NUP133: variants seen among roughly 807,000 people sequenced by gnomAD.
The protein encoded by NUP133 is nucleoporin 133.
Under a neutral mutation model 146.2 loss-of-function variants are expected in NUP133, and 66 were observed. That is an observed-to-expected ratio of 0.45 (90% CI 0.37 to 0.55). NUP133 has a LOEUF of 0.55. Among genes scored for constraint, NUP133 ranks in the 20% least tolerant of loss-of-function variants. NUP133 has a pLI of 0.00. For synonymous variants in NUP133, 521 were observed against 498.8 expected, an observed-to-expected ratio of 1.04 and a Z score of -0.59; for missense variants, 1,277 against 1,374.8, an observed-to-expected ratio of 0.93 and a Z score of 1.12.
intron 7 of NUP133, 55 bp downstream of exon 7, chr1:229,495,837 C>A: frequency 7.3e-7 from 1 of 1,372,466 alleles, no homozygotes. Context: ...AGGGAACCAG[C>A]ATTATCATAC....
In NUP133 at chr1:229,489,945, T is replaced by C. The variant is rs1558104783; in HGVS notation, c.1194+10A>G. ...TTATTGCTTTGTAATTTAACCAATATAAATCTTACCTGAAAAGGTGGATTA... is the reference window on the plus strand; with the variant it reads ...TTATTGCTTTGTAATTTAACCAATACAAATCTTACCTGAAAAGGTGGATTA... On this transcript the variant is annotated intron_variant, in intron 9 of 25. Coordinates refer to ENST00000261396, the MANE Select transcript of NUP133 (RefSeq NM_018230.3). 3.2e-6 allele frequency: 5 copies of C among 1,573,518 alleles called. No homozygotes were observed. Among genetic ancestry groups the C allele is most frequent in the African/African-American group, 1.4e-5 (1 of 73,468 alleles).
chr1:229,452,141 C>A (rs368108074), intron 22 of NUP133, among the ~76,000 whole-genome samples: 3 of 152,160 alleles, frequency 2.0e-5, no homozygotes, highest in African/African-American at 7.2e-5. Flanking sequence ...GGGGTAAGGA[C>A]AGAACTGCTA....
In NUP133 at chr1:229,457,921, C is replaced by CA. The variant is rs1403674075; in HGVS notation, c.2980+239dup. 3.3e-5 allele frequency among the ~76,000 whole-genome samples: 5 copies of CA among 152,282 alleles called. No individual in the cohort carries two copies. In the East Asian group the frequency reaches 9.6e-4, roughly 29 times the overall value. The stretch of plus-strand genomic sequence containing the variant: ...CTAAAGGTACATAATCAGACCTCTC[C>CA]AATCAAAATCATTTGAGTCTATTCT... On this transcript the variant is annotated intron_variant, in intron 21 of 25. Coordinates refer to ENST00000261396, the MANE Select transcript of NUP133 (RefSeq NM_018230.3).
chr1:229,461,314 T>C (rs1223003319), intron 19 of NUP133, among the ~76,000 whole-genome samples: 1 of 152,146 alleles, frequency 6.6e-6, no homozygotes, highest in Non-Finnish European at 1.5e-5. Flanking sequence ...ACTGGCTGTT[T>C]GTGGAGTGTT....
intron 4 of NUP133, among the ~76,000 whole-genome samples, chr1:229,500,141 A>C (rs1248642391): frequency 1.3e-5 from 2 of 152,094 alleles, no homozygotes; most frequent in African/African-American, 4.8e-5. Context: ...TGGATACATG[A>C]TTTGCAAATT....
intron 24 of NUP133, among the ~76,000 whole-genome samples, chr1:229,448,295 G>A (rs922842624): frequency 2.6e-5 from 4 of 152,272 alleles, no homozygotes; most frequent in African/African-American, 9.6e-5. Flanking sequence ...AGGGCTGGTG[G>A]TACATGCCTG....
At chr1:229,450,018 C>T (rs948904037) in intron 23 of NUP133, among the ~76,000 whole-genome samples, 4 of 150,116 alleles carry the variant, frequency 2.7e-5, no homozygotes, top group African/African-American at 7.3e-5. Flanking sequence ...GCTGGGATTA[C>T]AGGCGTGCGC....
chr1:229,477,453 A>AC, intron 13 of NUP133, 144 bp downstream of exon 13: 1 of 649,476 alleles, frequency 1.5e-6, no homozygotes, highest in Non-Finnish European at 2.3e-6. Context: ...AAAAAAAAAA[A>AC]AAAGGAAGGT....
At chr1:229,470,909 G>A in intron 14 of NUP133, 105 bp from the exon 15 acceptor site, 1 of 919,642 alleles carries the variant, frequency 1.1e-6, no homozygotes, top group South Asian at 1.6e-5. Flanking sequence ...ACTGGCCCCA[G>A]CTTTCCCCCA....
At chr1:229,463,511 G>A (rs1426521523) in intron 19 of NUP133, 32 bp downstream of exon 19, 1 of 1,583,500 alleles carries the variant, frequency 6.3e-7, no homozygotes, top group African/African-American at 1.4e-5. Flanking sequence ...GCAACTAAAG[G>A]ACTCAGTGGC....
chr1:229,498,505 C>G (rs1287205527), intron 5 of NUP133, among the ~76,000 whole-genome samples, 199 bp from the exon 6 acceptor site: 1 of 152,018 alleles, frequency 6.6e-6, no homozygotes, highest in Non-Finnish European at 1.5e-5. Flanking sequence ...GAAAAACTCT[C>G]ATAAGAAAAA....
At chr1:229,442,117 A>G (rs1660197118) in intron 25 of NUP133, 77 bp from the exon 26 acceptor site, 1 of 1,374,008 alleles carries the variant, frequency 7.3e-7, no homozygotes, top group Non-Finnish European at 9.9e-7. Flanking sequence ...TGATGACAAA[A>G]GCACCTGTGC....
chr1:229,488,217 T>C (rs927276653), intron 9 of NUP133, among the ~76,000 whole-genome samples: 1 of 152,180 alleles, frequency 6.6e-6, no homozygotes, highest in Non-Finnish European at 1.5e-5. Context: ...TAGAAGCCTA[T>C]GATAAATTCA....
chr1:229,464,388 C>T (rs1357649453), intron 18 of NUP133, among the ~76,000 whole-genome samples: 1 of 152,128 alleles, frequency 6.6e-6, no homozygotes, highest in African/African-American at 2.4e-5. Flanking sequence ...AGGGTAGTCT[C>T]CACATGTTGT....
Position 229,475,859 on chromosome 1 carries a change from G to A in NUP133, c.1757-127C>T, listed in dbSNP as rs12066147. On this transcript the variant is annotated intron_variant, in intron 13 of 25. Transcript: ENST00000261396. ...GCACGGTGGCTCACACCTGTAATCCGAGCACTTTGGGAGGTCGAGGTGGGC... is the reference window on the plus strand; with the variant it reads ...GCACGGTGGCTCACACCTGTAATCCAAGCACTTTGGGAGGTCGAGGTGGGC... 6.0e-4 allele frequency: 415 copies of A among 694,328 alleles called. No individual in the cohort carries two copies. In the African/African-American group the frequency reaches 6.8e-3, roughly 11 times the overall value. The allele number at this position is 694,328 out of a possible 1,614,324, so 43.0% of individuals were successfully genotyped here.
chr1:229,476,243 GT>G (rs898763914), intron 13 of NUP133, among the ~76,000 whole-genome samples: 1 of 151,998 alleles, frequency 6.6e-6, no homozygotes, highest in African/African-American at 2.4e-5. Flanking sequence ...AATTCATACT[GT>G]ATTTATTCAA....
chr1:229,458,196 T>G lies in NUP133; in HGVS notation c.2945A>C (p.Asp982Ala). The G allele has an allele frequency of 6.2e-7, 1 of 1,613,672 alleles. No individual in the cohort carries two copies. The highest frequency in any genetic ancestry group is 8.5e-7 in the Non-Finnish European group (1 of 1,179,774). Residue 982 changes from aspartate to alanine, a missense_variant, in exon 21 of 26, where the codon GAC becomes GCC. By Grantham distance (126) the Asp-to-Ala change is moderately radical. This residue lies in a region of NUP133 where 952 missense variants were observed against 1,047.0 expected (regional missense o/e 0.91). Coordinates refer to ENST00000261396, the MANE Select transcript of NUP133 (RefSeq NM_018230.3). ...TTCTTGTAGCATATCCTCTGAAAAG[T>G]CTGAAGCTAATGCAGCCAATTTACT... is the stretch of plus-strand genomic sequence containing the variant. ...GLSKLAALAS[D>A]FSEDMLQEKI...
intron 14 of NUP133, among the ~76,000 whole-genome samples, chr1:229,472,282 G>A (rs1026667117): frequency 2.7e-5 from 4 of 146,676 alleles, no homozygotes; most frequent in Non-Finnish European, 4.4e-5. Context: ...TTGCGCCACT[G>A]CACTCCAGCC....
At chr1:229,497,557 C>G (rs532384837) in intron 6 of NUP133, among the ~76,000 whole-genome samples, 1 of 152,202 alleles carries the variant, frequency 6.6e-6, no homozygotes, top group Non-Finnish European at 1.5e-5. Flanking sequence ...CCAGCTCTGC[C>G]ACTCAGCAGT....
Sources: allele counts gnomAD v4.1 joint callset (sites outside exome capture counted in the v4.1 genomes callset), GRCh38; gene constraint gnomAD v4.1.1; regional missense constraint gnomAD v4.1.1; transcripts MANE v1.5; gene names NCBI Gene and HGNC (gene_info 2026-07-23, HGNC 2026-07-21).